The following CTTNBP2NL variants were observed in gnomAD, a reference collection of about 807,000 sequenced individuals.
The protein encoded by CTTNBP2NL is CTTNBP2 N-terminal-like protein.
In CTTNBP2NL, 16 loss-of-function variants were observed where a neutral mutation model predicts 32.5. The ratio of observed to expected loss-of-function variants is 0.49; its 90% CI spans 0.33 to 0.75. The LOEUF is 0.75. Among genes scored for constraint, CTTNBP2NL ranks in the 30% least tolerant of loss-of-function variants. CTTNBP2NL has a pLI of 0.02. For missense variants in CTTNBP2NL, 645 were observed against 756.0 expected, an observed-to-expected ratio of 0.85 and a Z score of 1.72; for synonymous variants, 298 against 289.4, an observed-to-expected ratio of 1.03 and a Z score of -0.30.
intron 1 of CTTNBP2NL, among the ~76,000 whole-genome samples, chr1:112,409,127 C>CAAAAAA (rs36002206): frequency 3.7e-5 from 3 of 80,224 alleles, no homozygotes; most frequent in Non-Finnish European, 4.9e-5. Flanking sequence ...GACTCTGTCT[C>CAAAAAA]AAAAAAAAAA....
chr1:112,430,210 TC>T, intron 3 of CTTNBP2NL, among the ~76,000 whole-genome samples: 1 of 37,394 alleles, frequency 2.7e-5, no homozygotes, highest in African/African-American at 5.0e-5. Flanking sequence ...TCTTTTCTTT[TC>T]TTTTCTTTTC....
intron 4 of CTTNBP2NL, among the ~76,000 whole-genome samples, chr1:112,450,518 AAAATCTT>A (rs1014300555): frequency 2.6e-5 from 4 of 152,096 alleles, no homozygotes; most frequent in African/African-American, 9.7e-5. Flanking sequence ...TAATTCTCTA[AAAATCTT>A]CACAACATTC....
At chr1:112,433,708 C>A (rs1417815164) in intron 3 of CTTNBP2NL, among the ~76,000 whole-genome samples, 1 of 152,136 alleles carries the variant, frequency 6.6e-6, no homozygotes, top group Non-Finnish European at 1.5e-5. Context: ...TGTATATATT[C>A]TTGTAAAATG....
chr1:112,417,773 T>A (rs1649107003), intron 3 of CTTNBP2NL, among the ~76,000 whole-genome samples: 1 of 152,234 alleles, frequency 6.6e-6, no homozygotes, highest in African/African-American at 2.4e-5. Flanking sequence ...TTCAATCGTT[T>A]GAGAAAAGTA....
chr1:112,432,066 A>ATTTT lies in CTTNBP2NL; in HGVS notation c.99+15824_99+15827dup, dbSNP rs11440212. ...GTTTCAGCTTTATCTATATATTTTG[A>ATTTT]TTTTTTTTTTTTTTTTTTTTTTTTT... On this transcript the variant is annotated intron_variant, in intron 3 of 5. Transcript: ENST00000271277. Among the ~76,000 whole-genome samples, 200 of 91,052 alleles carry ATTTT rather than the reference A, an allele frequency of 2.2e-3. 5 individuals carry two copies. Among genetic ancestry groups the ATTTT allele is most frequent in the African/African-American group, 5.6e-3 (126 of 22,386 alleles). 59.7% of individuals were successfully genotyped at this position (91,052 alleles called of 152,430 possible).
At chr1:112,448,889 C>T (rs1650131516) in intron 3 of CTTNBP2NL, 53 bp from the exon 4 acceptor site, 1 of 1,013,248 alleles carries the variant, frequency 9.9e-7, no homozygotes, top group Admixed American at 1.8e-5. Flanking sequence ...GCAAATCCCC[C>T]TTCCTCAGTA....
At chr1:112,451,579 C>G (rs1650220207) in intron 4 of CTTNBP2NL, among the ~76,000 whole-genome samples, 1 of 151,270 alleles carries the variant, frequency 6.6e-6, no homozygotes, top group Non-Finnish European at 1.5e-5. Context: ...CGAGGCCAGG[C>G]CAGCCAACAT....
intron 1 of CTTNBP2NL, among the ~76,000 whole-genome samples, chr1:112,402,426 A>C (rs1648535306): frequency 6.6e-6 from 1 of 152,220 alleles, no homozygotes; most frequent in Non-Finnish European, 1.5e-5. Flanking sequence ...CTCAAAAAAA[A>C]GAAAAGTGAG....
chr1:112,416,144 A>G lies in CTTNBP2NL; in HGVS notation c.-9-13A>G, dbSNP rs751255138. The G allele has an allele frequency of 1.3e-5, 17 of 1,322,316 alleles. No individual in the cohort carries two copies. Among genetic ancestry groups the G allele is most frequent in the Non-Finnish European group, 1.7e-5 (16 of 924,154 alleles). The allele number at this position is 1,322,316 out of a possible 1,614,324, so 81.9% of individuals were successfully genotyped here. A position where few individuals can be genotyped will look rare whatever the true frequency, so the allele number is the denominator to read the frequency against. On this transcript the variant is annotated splice_polypyrimidine_tract_variant and intron_variant, in intron 2 of 5. Coordinates refer to ENST00000271277, the MANE Select transcript of CTTNBP2NL (RefSeq NM_018704.3). ...TGTCTTTGGAGATTGTCTGATTGTT[A>G]CCTTTGTTTCAGGCTTTCAAGATGA...
chr1:112,457,315 C>A lies in CTTNBP2NL; in HGVS notation c.1823C>A (p.Ser608Tyr). 1 of 1,614,204 alleles carries A rather than the reference C, an allele frequency of 6.2e-7. No homozygotes were observed. Among genetic ancestry groups the A allele is most frequent in the Non-Finnish European group, 8.5e-7 (1 of 1,180,014 alleles). ...ACCAAAACTCATTCCCAGGCAGCCT[C>A]TTTGACCACTGCAGAAGACCTTGCC... Reference protein sequence around the residue: ...PLTKTHSQAASLTTAEDLASS... With the variant: ...PLTKTHSQAAYLTTAEDLASS... Residue 608 changes from serine to tyrosine, a missense_variant, in exon 6 of 6, where the codon TCT becomes TAT. Coordinates refer to ENST00000271277, the MANE Select transcript of CTTNBP2NL (RefSeq NM_018704.3).
intron 3 of CTTNBP2NL, among the ~76,000 whole-genome samples, chr1:112,418,150 T>C (rs963001074): frequency 6.6e-6 from 1 of 152,218 alleles, no homozygotes; most frequent in Non-Finnish European, 1.5e-5. Context: ...TCTTTAATCT[T>C]ATATCTCTAA....
chr1:112,400,567 C>T (rs930739473), intron 1 of CTTNBP2NL, among the ~76,000 whole-genome samples: 3 of 152,064 alleles, frequency 2.0e-5, no homozygotes, highest in Admixed American at 1.3e-4. Context: ...CCAAGGCAGG[C>T]GGATCACCTA....
chr1:112,455,969 A>G lies in CTTNBP2NL; in HGVS notation c.477A>G (p.Lys159=). 3 of 1,582,876 alleles carry G rather than the reference A, an allele frequency of 1.9e-6. No homozygotes were observed. The highest frequency in any genetic ancestry group is 1.2e-5 in the South Asian group (1 of 85,248). Residue 159 remains lysine, a synonymous_variant, in exon 6 of 6, where the codon AAA becomes AAG. Transcript: ENST00000271277. ...AATCCCAAGTGAAAAAGTTTGAAAAAGAACAGAAGAAGCTCTCTAGTCAGC... is the reference window on the plus strand; with the variant it reads ...AATCCCAAGTGAAAAAGTTTGAAAAGGAACAGAAGAAGCTCTCTAGTCAGC... The part of the protein sequence containing the change: ...FEKSQVKKFE[K]EQKKLSSQLE...
intron 1 of CTTNBP2NL, among the ~76,000 whole-genome samples, chr1:112,403,116 T>A (rs1253457038): frequency 1.3e-5 from 2 of 152,198 alleles, no homozygotes; most frequent in East Asian, 1.9e-4. Flanking sequence ...TTAATGTCTC[T>A]TTTGTCAGTC....
intron 3 of CTTNBP2NL, among the ~76,000 whole-genome samples, chr1:112,430,214 T>TTCTTTTCTTG (rs200721619): frequency 2.8e-3 from 117 of 41,076 alleles, no homozygotes; most frequent in African/African-American, 4.4e-3. Context: ...TTCTTTTCTT[T>TTCTTTTCTTG]TCTTTTCTTG....
At chr1:112,407,749 A>C (rs1648711050) in intron 1 of CTTNBP2NL, among the ~76,000 whole-genome samples, 1 of 152,100 alleles carries the variant, frequency 6.6e-6, no homozygotes, top group Admixed American at 6.6e-5. Context: ...TATACTGTTT[A>C]ATATTGGAAT....
chr1:112,412,545 C>A (rs943737759), intron 2 of CTTNBP2NL, among the ~76,000 whole-genome samples: 1 of 148,788 alleles, frequency 6.7e-6, no homozygotes, highest in Non-Finnish European at 1.5e-5. Flanking sequence ...ACAGCAGTGG[C>A]CTTTCTTTCC....
chr1:112,391,448 A>T (rs1648178597), upstream of CTTNBP2NL, among the ~76,000 whole-genome samples: 1 of 152,202 alleles, frequency 6.6e-6, no homozygotes, highest in Non-Finnish European at 1.5e-5. Flanking sequence ...AAGGAGCCTT[A>T]TGGAGTCCCA....
chr1:112,396,961 A>G (rs745838774), intron 1 of CTTNBP2NL, among the ~76,000 whole-genome samples: 26 of 152,166 alleles, frequency 1.7e-4, no homozygotes, highest in Non-Finnish European at 3.7e-4. Flanking sequence ...CACCCTTTGT[A>G]CCTTCCTTCT....
Sources: allele counts gnomAD v4.1 joint callset (sites outside exome capture counted in the v4.1 genomes callset), GRCh38; gene constraint gnomAD v4.1.1; transcripts MANE v1.5; gene names NCBI Gene and HGNC (gene_info 2026-07-23, HGNC 2026-07-21).